Variants in GBE1 observed in about 807,000 individuals in gnomAD.
The protein encoded by GBE1 is 1,4-alpha-glucan-branching enzyme.
A neutral mutation model predicts 88.8 loss-of-function variants in GBE1; 70 were observed. That is an observed-to-expected ratio of 0.79 (90% CI 0.65 to 0.96). GBE1 has a LOEUF of 0.96. Among genes scored for constraint, GBE1 ranks in the 40% least tolerant of loss-of-function variants. The pLI is 0.00. For synonymous variants in GBE1, 284 were observed against 300.1 expected (o/e 0.95, Z 0.56); for missense variants, 872 against 871.0 (o/e 1.00, Z -0.01).
intron 14 of GBE1, among the ~76,000 whole-genome samples, chr3:81,502,794 C>G (rs911527177): frequency 1.2e-4 from 18 of 152,068 alleles, no homozygotes; most frequent in Admixed American, 5.2e-4. Context: ...GATATGGGAC[C>G]CACACAGCAC....
At chr3:81,570,443 G>T (rs1201258993) in intron 12 of GBE1, among the ~76,000 whole-genome samples, 1 of 152,204 alleles carries the variant, frequency 6.6e-6, no homozygotes, top group Non-Finnish European at 1.5e-5. Context: ...AAGCATGAAA[G>T]ATATTCCCAA....
At chr3:81,583,241 T>C (rs1243126676) in intron 10 of GBE1, among the ~76,000 whole-genome samples, 2 of 152,104 alleles carry the variant, frequency 1.3e-5, no homozygotes, top group Non-Finnish European at 1.5e-5. Context: ...TGAGGATGTA[T>C]AGAGGCAGGT....
intron 1 of GBE1, among the ~76,000 whole-genome samples, chr3:81,738,416 TG>T (rs1341859122): frequency 6.6e-6 from 1 of 152,030 alleles, no homozygotes; most frequent in African/African-American, 2.4e-5. Context: ...CAGCACCTGT[TG>T]TTTCCTGACT....
rs530924628 is a variant in GBE1, at chr3:81,524,700, T to A, written c.1934+10495A>T. Among the ~76,000 whole-genome samples the A allele has an allele frequency of 1.2e-4, 18 of 152,050 alleles. No homozygotes were observed. In the East Asian group the frequency reaches 3.1e-3, roughly 26 times the overall value. ...CCATTGTATGTTCTTGGCACCTTTG[T>A]TGAAAATGAGTTCACTGTAGATACA... On this transcript the variant is annotated intron_variant, in intron 14 of 15. Coordinates refer to ENST00000429644, the MANE Select transcript of GBE1 (RefSeq NM_000158.4).
chr3:81,639,340 T>A (rs985052962), intron 7 of GBE1, among the ~76,000 whole-genome samples: 3 of 137,360 alleles, frequency 2.2e-5, no homozygotes, highest in Admixed American at 2.1e-4. Flanking sequence ...ATGAAAGGTG[T>A]ATTTTTTTTT....
chr3:81,648,013 A>T (rs1704790778), intron 5 of GBE1, among the ~76,000 whole-genome samples: 1 of 152,054 alleles, frequency 6.6e-6, no homozygotes, highest in Non-Finnish European at 1.5e-5. Context: ...TTAGCATAAT[A>T]TCTATTAATT....
In GBE1 at chr3:81,681,791, C is replaced by A. The variant is rs1396292367; in HGVS notation, c.314-10838G>T. On this transcript the variant is annotated intron_variant, in intron 2 of 15. Transcript: ENST00000429644. ...AAAAAAGAATAAATTTGGATTCCTG[C>A]CTCGAAGCATATACAAAACTAACTC... 2.6e-5 allele frequency among the ~76,000 whole-genome samples: 4 copies of A among 152,094 alleles called. No homozygotes were observed. In the East Asian group the frequency reaches 7.7e-4, roughly 29 times the overall value.
In GBE1 at chr3:81,702,132, T is replaced by A. The variant is rs1442377808; in HGVS notation, c.313+3312A>T. Among the ~76,000 whole-genome samples the A allele has an allele frequency of 1.9e-4, 29 of 148,946 alleles. 1 individual carries two copies. The East Asian group carries it at 3.0e-3, about 15-fold the overall frequency. Reference sequence around the variant, plus strand: ...GTGTGTGTGTGTGTGTGTGTGTGTGTGTGTGTGTGTGTGTGTGTGTGTGTG... The same window carrying A: ...GTGTGTGTGTGTGTGTGTGTGTGTGAGTGTGTGTGTGTGTGTGTGTGTGTG... On this transcript the variant is annotated intron_variant, in intron 2 of 15. Coordinates refer to ENST00000429644, the MANE Select transcript of GBE1 (RefSeq NM_000158.4).
chr3:81,748,782 G>C (rs1032363416), intron 1 of GBE1, among the ~76,000 whole-genome samples: 1 of 151,874 alleles, frequency 6.6e-6, no homozygotes, highest in African/African-American at 2.4e-5. Flanking sequence ...GCAGAGGTGG[G>C]TGGATCATGA....
At chr3:81,533,381 G>A (rs1482931107) in intron 14 of GBE1, among the ~76,000 whole-genome samples, 4 of 152,062 alleles carry the variant, frequency 2.6e-5, no homozygotes, top group Non-Finnish European at 4.4e-5. Flanking sequence ...ACAACACAGC[G>A]CATTCTGTGG....
chr3:81,688,270 C>T (rs144265261), intron 2 of GBE1, among the ~76,000 whole-genome samples: 11 of 152,322 alleles, frequency 7.2e-5, no homozygotes, highest in South Asian at 4.1e-4. Context: ...ACACTTAATA[C>T]ATTTGCTTAT....
chr3:81,641,408 T>C (rs1331540433), intron 7 of GBE1, among the ~76,000 whole-genome samples: 1 of 152,158 alleles, frequency 6.6e-6, no homozygotes, highest in Admixed American at 6.6e-5. Flanking sequence ...ACCAACCTAA[T>C]ATATCACAGA....
chr3:81,555,112 A>G, intron 12 of GBE1, among the ~76,000 whole-genome samples: 1 of 152,222 alleles, frequency 6.6e-6, no homozygotes, highest in East Asian at 1.9e-4. Context: ...AAAGGTTCTC[A>G]GTGTTTGTAC....
chr3:81,557,648 T>A (rs184356005), intron 12 of GBE1, among the ~76,000 whole-genome samples: 1 of 152,152 alleles, frequency 6.6e-6, no homozygotes, highest in East Asian at 1.9e-4. Flanking sequence ...TCAAAATTTA[T>A]GTTTGTAATT....
At chr3:81,655,339 C>T (rs1291056611) in intron 3 of GBE1, among the ~76,000 whole-genome samples, 2 of 151,906 alleles carry the variant, frequency 1.3e-5, no homozygotes, top group South Asian at 4.1e-4. Flanking sequence ...AGCCACTGCA[C>T]CCGGCCTATA....
At chr3:81,711,438 C>T (rs1705864172) in intron 1 of GBE1, among the ~76,000 whole-genome samples, 1 of 152,024 alleles carries the variant, frequency 6.6e-6, no homozygotes, top group Admixed American at 6.6e-5. Flanking sequence ...TTTCCAGCAC[C>T]ATTTATTAAA....
In GBE1 at chr3:81,644,618, G is replaced by A. The variant is rs575231074; in HGVS notation, c.783-1628C>T. On this transcript the variant is annotated intron_variant, in intron 6 of 15. Transcript: ENST00000429644. ...TCTGAAGGAGACAGGGATTCATTACGGTTCTGGGCAAAAGAGCGACATGAT... is the reference window on the plus strand; with the variant it reads ...TCTGAAGGAGACAGGGATTCATTACAGTTCTGGGCAAAAGAGCGACATGAT... Among the ~76,000 whole-genome samples, 3 of 152,216 alleles carry A rather than the reference G, an allele frequency of 2.0e-5. 1 individual carries two copies. The highest frequency in any genetic ancestry group is 4.2e-4 in the South Asian group (2 of 4,818).
In GBE1 at chr3:81,490,442, C is replaced by T. The variant is rs192877602; in HGVS notation, c.2074G>A (p.Ala692Thr). The T allele has an allele frequency of 1.8e-4, 291 of 1,612,962 alleles. 1 individual carries two copies. The African/African-American group carries it at 3.3e-3, about 18-fold the overall frequency. ...AGATCCACATTCTGAAGGATGAGGGCCACTCTGCTTGGAATGTACACCTAC... is the reference window on the plus strand; with the variant it reads ...AGATCCACATTCTGAAGGATGAGGGTCACTCTGCTTGGAATGTACACCTAC... ...SLLVYIPSRVALILQNVDLPN is the reference protein window; with the variant it reads ...SLLVYIPSRVTLILQNVDLPN The change falls in exon 16 of 16, where the codon GCC (alanine) becomes ACC (threonine). Residue 692 changes from alanine to threonine, a missense_variant. Physicochemically the swap from Ala to Thr is moderately conservative, Grantham distance 58. Coordinates refer to ENST00000429644, the MANE Select transcript of GBE1 (RefSeq NM_000158.4).
intron 2 of GBE1, among the ~76,000 whole-genome samples, chr3:81,680,511 A>C (rs1004990978): frequency 2.0e-5 from 3 of 152,016 alleles, no homozygotes; most frequent in African/African-American, 7.2e-5. Flanking sequence ...AAAAAAAAAA[A>C]AAGAAAATTT....
Sources: gnomAD v4.1 joint callset for allele counts (sites outside exome capture counted in the v4.1 genomes callset) on GRCh38, gnomAD v4.1.1 for gene constraint, MANE v1.5 for transcripts, NCBI Gene and HGNC (gene_info 2026-07-23, HGNC 2026-07-21) for gene names.